Variants in TFCP2 observed in about 807,000 individuals in gnomAD.
TFCP2 encodes the protein alpha-globin transcription factor CP2.
In TFCP2, 33 loss-of-function variants were observed where a neutral mutation model predicts 73.4. That is an observed-to-expected ratio of 0.45 (90% CI 0.34 to 0.60). The LOEUF (loss-of-function observed/expected upper bound fraction) is 0.60. Ranked by LOEUF, TFCP2 falls within the 20% of genes least tolerant of loss-of-function variation. The pLI is 0.01. For missense variants in TFCP2, 352 were observed against 604.0 expected (o/e 0.58, Z 4.37); for synonymous variants, 193 against 211.6 (o/e 0.91, Z 0.76).
chr12:51,097,098 G>A (rs1047124524), intron 13 of TFCP2, among the ~76,000 whole-genome samples: 3 of 151,996 alleles, frequency 2.0e-5, no homozygotes, highest in Non-Finnish European at 2.9e-5. Flanking sequence ...GAGTAGGTGG[G>A]ATTATAGGCA....
At chr12:51,149,078 A>AATATTACT (rs1941366137) in intron 1 of TFCP2, among the ~76,000 whole-genome samples, 1 of 150,840 alleles carries the variant, frequency 6.6e-6, no homozygotes, top group Admixed American at 6.7e-5. Flanking sequence ...TACACCATAG[A>AATATTACT]ATATTACTCA....
intron 1 of TFCP2, among the ~76,000 whole-genome samples, chr12:51,140,410 C>A (rs1941161898): frequency 7.7e-6 from 1 of 130,418 alleles, no homozygotes. Flanking sequence ...TTCCTTTTTT[C>A]TTCCTTCCTT....
chr12:51,118,141 A>G (rs1592801808), intron 2 of TFCP2, among the ~76,000 whole-genome samples: 1 of 152,216 alleles, frequency 6.6e-6, no homozygotes, highest in East Asian at 1.9e-4. Flanking sequence ...CAGCTAAGCA[A>G]AAGAAGCTAG....
At chr12:51,127,690 G>A (rs1940844610) in intron 1 of TFCP2, among the ~76,000 whole-genome samples, 1 of 152,152 alleles carries the variant, frequency 6.6e-6, no homozygotes, top group Non-Finnish European at 1.5e-5. Flanking sequence ...AGAAAGAAAA[G>A]AAGAAATATT....
At chr12:51,152,622 G>C (rs1941452934) in intron 1 of TFCP2, among the ~76,000 whole-genome samples, 2 of 151,982 alleles carry the variant, frequency 1.3e-5, no homozygotes, top group Admixed American at 6.6e-5. Flanking sequence ...AAATCATTCA[G>C]AAAAAAATAA....
intron 1 of TFCP2, among the ~76,000 whole-genome samples, chr12:51,159,946 A>G (rs1284750310): frequency 2.0e-5 from 3 of 152,120 alleles, no homozygotes. Flanking sequence ...GAAATTAACC[A>G]AAATTTACCA....
At chr12:51,105,205 T>C (rs966026209) in intron 8 of TFCP2, among the ~76,000 whole-genome samples, 5 of 151,766 alleles carry the variant, frequency 3.3e-5, no homozygotes, top group Admixed American at 1.3e-4. Flanking sequence ...GCGATTCTCC[T>C]GCCTCAGCCT....
Position 51,101,926 on chromosome 12 carries a change from A to G in TFCP2, c.1151+9T>C, listed in dbSNP as rs760644437. On this transcript the variant is annotated intron_variant, in intron 11 of 14. Coordinates refer to ENST00000257915, the MANE Select transcript of TFCP2 (RefSeq NM_005653.5). The stretch of plus-strand genomic sequence containing the variant: ...CAACCTTATTGATATTTTAACACTA[A>G]TTACATACCGGCCTTTTAATGCATT... The G allele has an allele frequency of 1.3e-6, 2 of 1,586,678 alleles. No homozygotes were observed. Among genetic ancestry groups the G allele is most frequent in the Non-Finnish European group, 1.7e-6 (2 of 1,155,398 alleles).
intron 1 of TFCP2, among the ~76,000 whole-genome samples, chr12:51,154,984 A>C (rs921467229): frequency 1.3e-5 from 2 of 152,180 alleles, no homozygotes; most frequent in Non-Finnish European, 2.9e-5. Context: ...GTGTGTGAGT[A>C]GGTTGATTGA....
At chr12:51,114,058 A>G in intron 4 of TFCP2, among the ~76,000 whole-genome samples, 1 of 152,198 alleles carries the variant, frequency 6.6e-6, no homozygotes, top group East Asian at 1.9e-4. Flanking sequence ...TGTGGCACCA[A>G]AAGCACAGGG....
At chr12:51,139,082 A>G (rs1230049019) in intron 1 of TFCP2, among the ~76,000 whole-genome samples, 1 of 152,152 alleles carries the variant, frequency 6.6e-6, no homozygotes, top group South Asian at 2.1e-4. Flanking sequence ...GTAAATTTGT[A>G]TTTCTAAGGA....
intron 8 of TFCP2, among the ~76,000 whole-genome samples, chr12:51,105,243 G>T (rs984654613): frequency 6.6e-6 from 1 of 151,834 alleles, no homozygotes; most frequent in African/African-American, 2.4e-5. Flanking sequence ...ACAGGCGCCC[G>T]CCGCCACACC....
At chr12:51,116,590 G>A (rs942247175) in intron 3 of TFCP2, among the ~76,000 whole-genome samples, 170 bp from the exon 4 acceptor site, 1 of 151,300 alleles carries the variant, frequency 6.6e-6, no homozygotes, top group Non-Finnish European at 1.5e-5. Context: ...GCTATTTCAG[G>A]ATAAAATTTT....
intron 1 of TFCP2, among the ~76,000 whole-genome samples, chr12:51,167,076 T>C (rs1039047477): frequency 1.3e-5 from 2 of 152,216 alleles, no homozygotes; most frequent in Non-Finnish European, 2.9e-5. Flanking sequence ...ATCATATGTA[T>C]GTGGTCTTTT....
At chr12:51,103,585 A>C in intron 10 of TFCP2, 85 bp downstream of exon 10, 1 of 993,912 alleles carries the variant, frequency 1.0e-6, no homozygotes, top group South Asian at 1.5e-5. Context: ...ATATACACAC[A>C]CAACTCTCCC....
At chr12:51,128,683 T>G (rs974831946) in intron 1 of TFCP2, among the ~76,000 whole-genome samples, 4 of 152,142 alleles carry the variant, frequency 2.6e-5, no homozygotes, top group African/African-American at 9.7e-5. Context: ...AACTTAAAAG[T>G]TAAGTGGCTT....
chr12:51,150,541 T>G (rs1190984466), intron 1 of TFCP2, among the ~76,000 whole-genome samples: 1 of 152,196 alleles, frequency 6.6e-6, no homozygotes, highest in Non-Finnish European at 1.5e-5. Context: ...CTAAATACAC[T>G]GTCCATCATA....
At chr12:51,162,599 C>G (rs1941671206) in intron 1 of TFCP2, among the ~76,000 whole-genome samples, 1 of 152,192 alleles carries the variant, frequency 6.6e-6, no homozygotes, top group South Asian at 2.1e-4. Flanking sequence ...CAACTCTACT[C>G]TCTTAGCAAT....
chr12:51,137,321 G>T (rs1941082240), intron 1 of TFCP2, among the ~76,000 whole-genome samples: 2 of 152,018 alleles, frequency 1.3e-5, no homozygotes, highest in Non-Finnish European at 2.9e-5. Context: ...CCAGAAATGT[G>T]CTTTTATTTT....
Sources: gnomAD v4.1 joint callset for allele counts (sites outside exome capture counted in the v4.1 genomes callset) on GRCh38, gnomAD v4.1.1 for gene constraint, MANE v1.5 for transcripts, NCBI Gene and HGNC (gene_info 2026-07-23, HGNC 2026-07-21) for gene names.